Variants in CNTN5 observed in about 807,000 individuals in gnomAD.
The protein encoded by CNTN5 is contactin 5.
In CNTN5, 77 loss-of-function variants were observed where a neutral mutation model predicts 129.1. That is an observed-to-expected ratio of 0.60 (90% confidence interval 0.50 to 0.72). CNTN5 has a LOEUF of 0.72. Among genes scored for constraint, CNTN5 ranks in the 30% least tolerant of loss-of-function variants. The probability of loss-of-function intolerance (pLI) is 0.00; values close to 1 mark genes in which losing one functional copy is unlikely to be tolerated. For synonymous variants in CNTN5, 509 were observed against 465.6 expected (o/e 1.09, Z -1.20); for missense variants, 1,478 against 1,328.8 (o/e 1.11, Z -1.75).
intron 3 of CNTN5, among the ~76,000 whole-genome samples, chr11:99,737,914 CTA>C (rs1286949049): frequency 1.3e-5 from 2 of 152,068 alleles, no homozygotes; most frequent in South Asian, 4.1e-4. Context: ...TTACCATGAA[CTA>C]TATTTTCATA....
intron 3 of CNTN5, among the ~76,000 whole-genome samples, chr11:99,694,433 C>T (rs1200281099): frequency 6.6e-6 from 1 of 152,104 alleles, no homozygotes; most frequent in Non-Finnish European, 1.5e-5. Context: ...AAAGTGCTGA[C>T]CCTGCTATAC....
chr11:99,282,825 C>G (rs1207134253), intron 1 of CNTN5, among the ~76,000 whole-genome samples: 1 of 151,992 alleles, frequency 6.6e-6, no homozygotes, highest in Non-Finnish European at 1.5e-5. Context: ...TCCTTCAGCT[C>G]ACAGTAATGT....
chr11:99,912,645 G>C (rs1472929399), intron 6 of CNTN5, among the ~76,000 whole-genome samples: 1 of 142,186 alleles, frequency 7.0e-6, no homozygotes, highest in Non-Finnish European at 1.5e-5. Flanking sequence ...GTTTTTCATA[G>C]TTTTTTTTTT....
intron 4 of CNTN5, among the ~76,000 whole-genome samples, chr11:99,829,855 T>A (rs1293247046): frequency 6.6e-6 from 1 of 152,184 alleles, no homozygotes. Flanking sequence ...CTCAGACACA[T>A]GCAGGATATA....
chr11:99,904,895 A>G (rs1040062562), intron 6 of CNTN5, among the ~76,000 whole-genome samples: 5 of 152,200 alleles, frequency 3.3e-5, no homozygotes, highest in Non-Finnish European at 7.4e-5. Context: ...ATGACCAGCA[A>G]TGATGAGATT....
chr11:99,753,118 G>GTTTTTTT (rs1591097312), intron 3 of CNTN5, among the ~76,000 whole-genome samples: 3 of 84,806 alleles, frequency 3.5e-5, no homozygotes, highest in African/African-American at 1.4e-4. Context: ...AGCCATATTT[G>GTTTTTTT]CTTTTTTTTT....
At chr11:99,602,430 G>A (rs1950342502) in intron 3 of CNTN5, among the ~76,000 whole-genome samples, 1 of 152,094 alleles carries the variant, frequency 6.6e-6, no homozygotes, top group Non-Finnish European at 1.5e-5. Flanking sequence ...TGTTAGGTGA[G>A]CCAAGAACAC....
chr11:99,912,948 T>G (rs1329672643), intron 6 of CNTN5, among the ~76,000 whole-genome samples: 1 of 152,088 alleles, frequency 6.6e-6, no homozygotes, highest in East Asian at 1.9e-4. Flanking sequence ...TTACTCCCTT[T>G]TATTCCTGTA....
chr11:100,250,462 C>T (rs1201202212), intron 16 of CNTN5, among the ~76,000 whole-genome samples: 1 of 151,782 alleles, frequency 6.6e-6, no homozygotes, highest in Non-Finnish European at 1.5e-5. Flanking sequence ...CCATGTTGGA[C>T]GTTCAGATAA....
intron 2 of CNTN5, among the ~76,000 whole-genome samples, chr11:99,529,446 A>G (rs905391462): frequency 2.0e-5 from 3 of 152,220 alleles, no homozygotes; most frequent in South Asian, 2.1e-4. Flanking sequence ...TACACTTAAC[A>G]TGAAACAACG....
At chr11:99,613,301 T>A (rs1950648076) in intron 3 of CNTN5, among the ~76,000 whole-genome samples, 1 of 152,126 alleles carries the variant, frequency 6.6e-6, no homozygotes, top group South Asian at 2.1e-4. Flanking sequence ...ATCTGATGGT[T>A]TTATAAGGGG....
chr11:99,766,929 G>T (rs565949788), intron 3 of CNTN5, among the ~76,000 whole-genome samples: 9 of 152,094 alleles, frequency 5.9e-5, no homozygotes, highest in African/African-American at 1.9e-4. Context: ...TTGTGTTTTG[G>T]CATCCTTCTT....
chr11:100,356,001 C>G (rs1236492215), intron 24 of CNTN5, 116 bp from the exon 25 acceptor site: 3 of 675,308 alleles, frequency 4.4e-6, no homozygotes, highest in Admixed American at 2.4e-5. Context: ...AAAGAACACT[C>G]TCATCAGAAA....
chr11:99,579,376 G>T (rs1949487885), intron 3 of CNTN5, among the ~76,000 whole-genome samples: 1 of 151,752 alleles, frequency 6.6e-6, no homozygotes, highest in African/African-American at 2.4e-5. Flanking sequence ...GAAAGTCATT[G>T]GTAGCTTGAT....
chr11:100,193,434 G>T (rs1397286444), intron 14 of CNTN5, 54 bp from the exon 15 acceptor site: 3 of 1,128,842 alleles, frequency 2.7e-6, no homozygotes, highest in Non-Finnish European at 3.7e-6. Context: ...AAAATATTAT[G>T]TATGGTAACA....
At chr11:99,962,934 T>C (rs1950989838) in intron 8 of CNTN5, among the ~76,000 whole-genome samples, 1 of 150,790 alleles carries the variant, frequency 6.6e-6, no homozygotes, top group African/African-American at 2.5e-5. Context: ...TTTCATGTGT[T>C]TTTTGGCTGT....
At chr11:99,241,548 A>C (rs1861560187) in intron 1 of CNTN5, among the ~76,000 whole-genome samples, 1 of 152,084 alleles carries the variant, frequency 6.6e-6, no homozygotes, top group African/African-American at 2.4e-5. Flanking sequence ...ACCATTAGTT[A>C]TAAGGTTACA....
chr11:100,143,063 T>C (rs1279499915), intron 13 of CNTN5, among the ~76,000 whole-genome samples: 1 of 152,202 alleles, frequency 6.6e-6, no homozygotes, highest in East Asian at 1.9e-4. Context: ...AGTATTTATA[T>C]ACAAATATTC....
chr11:100,322,594 A>C (rs1215663540), intron 21 of CNTN5, among the ~76,000 whole-genome samples: 2 of 152,184 alleles, frequency 1.3e-5, no homozygotes, highest in African/African-American at 4.8e-5. Flanking sequence ...ATTGACATAC[A>C]TTAAGGTTGT....
Sources: allele counts gnomAD v4.1 joint callset (sites outside exome capture counted in the v4.1 genomes callset), GRCh38; gene constraint gnomAD v4.1.1; transcripts MANE v1.5; gene names NCBI Gene and HGNC (gene_info 2026-07-23, HGNC 2026-07-21).